Variants in MSANTD2 observed in about 807,000 individuals in gnomAD.
MSANTD2 encodes Myb/SANT DNA binding domain containing 2, also known as myb/SANT-like DNA-binding domain-containing protein 2.
A neutral mutation model predicts 52.6 loss-of-function variants in MSANTD2; 19 were observed. That is an observed-to-expected ratio of 0.36 (90% CI 0.25 to 0.53). MSANTD2 has a LOEUF of 0.53. Among genes scored for constraint, MSANTD2 ranks in the 20% least tolerant of loss-of-function variants. The pLI, the probability that MSANTD2 is intolerant of heterozygous loss-of-function variation, is 0.91. For synonymous variants in MSANTD2, 291 were observed against 289.7 expected (o/e 1.00, Z -0.04); for missense variants, 558 against 716.3 (o/e 0.78, Z 2.52).
At chr11:124,787,233 G>A (rs1384972302) in intron 1 of MSANTD2, among the ~76,000 whole-genome samples, 2 of 152,176 alleles carry the variant, frequency 1.3e-5, no homozygotes, top group African/African-American at 2.4e-5. Context: ...GTGGTATCAC[G>A]AGGCGCAACA....
At chr11:124,794,230 A>G (rs1171801993) in intron 1 of MSANTD2, among the ~76,000 whole-genome samples, 1 of 152,190 alleles carries the variant, frequency 6.6e-6, no homozygotes, top group Non-Finnish European at 1.5e-5. Context: ...AGTAACCAGA[A>G]TATTTAACTC....
At chr11:124,772,680 T>C (rs1190297930) in intron 3 of MSANTD2, among the ~76,000 whole-genome samples, 1 of 133,516 alleles carries the variant, frequency 7.5e-6, no homozygotes, top group Non-Finnish European at 1.5e-5. Context: ...GAGCTTGCAG[T>C]GAGCAGAGAT....
At chr11:124,770,768 G>A (rs936632242) in intron 3 of MSANTD2, among the ~76,000 whole-genome samples, 20 of 146,172 alleles carry the variant, frequency 1.4e-4, no homozygotes, top group African/African-American at 4.5e-4. Flanking sequence ...ACCACGCCCA[G>A]CTAATTTTTT....
chr11:124,785,136 TATA>T (rs1945116307), intron 1 of MSANTD2, among the ~76,000 whole-genome samples: 1 of 152,250 alleles, frequency 6.6e-6, no homozygotes, highest in Non-Finnish European at 1.5e-5. Flanking sequence ...TTCTTAGCTT[TATA>T]AAGACTGCTA....
intron 1 of MSANTD2, among the ~76,000 whole-genome samples, chr11:124,776,485 CG>C (rs555011439): frequency 3.5e-3 from 529 of 152,258 alleles, no homozygotes; most frequent in South Asian, 9.5e-3. Context: ...TTAGTAGAGA[CG>C]GGGTTTCTCC....
chr11:124,800,081 C>G lies in MSANTD2; in HGVS notation c.300G>C (p.Arg100=). 4.7e-6 allele frequency: 7 copies of G among 1,503,622 alleles called. No individual in the cohort carries two copies. The highest frequency in any genetic ancestry group is 6.2e-6 in the Non-Finnish European group (7 of 1,136,642). The allele number at this position is 1,503,622 out of a possible 1,614,324, so 93.1% of individuals were successfully genotyped here. The change falls in exon 1 of 4, where the codon CGG becomes CGC. Residue 100 remains arginine (R), a synonymous_variant. Coordinates refer to ENST00000374979, the MANE Select transcript of MSANTD2 (RefSeq NM_001308027.2). This position sits in a 1 kb window ranked among gnomAD's most constrained non-coding sequence, Gnocchi z 4.3. ...TCTCGGCTGGCGTCCACGACATGCC[C>G]CGGCAGGCGGCGGCGGCGGCTGCCG... ...GAAAAAAAAC[R]GMSWTPAETN...
chr11:124,773,835 T>G (rs1192948219), intron 2 of MSANTD2, among the ~76,000 whole-genome samples: 1 of 152,220 alleles, frequency 6.6e-6, no homozygotes, highest in Non-Finnish European at 1.5e-5. Flanking sequence ...TATACTTCCT[T>G]GGGGGCTGCC....
chr11:124,770,764 C>T (rs1944486597), intron 3 of MSANTD2, among the ~76,000 whole-genome samples: 2 of 150,458 alleles, frequency 1.3e-5, no homozygotes, highest in African/African-American at 2.5e-5. Context: ...TGCCACCACG[C>T]CCAGCTAATT....
At chr11:124,784,269 T>C (rs1239159119) in intron 1 of MSANTD2, 2 of 985,294 alleles carry the variant, frequency 2.0e-6, no homozygotes, top group Non-Finnish European at 2.4e-6. Flanking sequence ...TTGAATCTTT[T>C]TCTCAGTTCA....
intron 1 of MSANTD2, chr11:124,789,578 G>GT (rs1565465369): frequency 1.3e-5 from 2 of 151,864 alleles, no homozygotes; most frequent in African/African-American, 4.8e-5. Flanking sequence ...TTTTACTAGC[G>GT]TAACAACACA....
chr11:124,786,477 A>T (rs868601642), intron 1 of MSANTD2, among the ~76,000 whole-genome samples: 4 of 152,190 alleles, frequency 2.6e-5, no homozygotes, highest in African/African-American at 9.7e-5. Flanking sequence ...GATAAGCCAC[A>T]TCCTTACCTG....
intron 1 of MSANTD2, chr11:124,791,377 T>C: frequency 1.5e-6 from 2 of 1,377,438 alleles, no homozygotes; most frequent in Non-Finnish European, 2.1e-6. Context: ...CAAGGCATCA[T>C]TACGGGCTAC....
rs1179438846 is a variant in MSANTD2 at position 124,767,575 on chromosome 11, A to G, written c.1281T>C (p.Tyr427=). The change falls in exon 4 of 4, where the codon TAT becomes TAC. Residue 427 remains tyrosine, a synonymous_variant. Coordinates refer to ENST00000374979, the MANE Select transcript of MSANTD2 (RefSeq NM_001308027.2). The surrounding 1 kb of genome is among the most constrained non-coding windows in gnomAD (Gnocchi z 6.5). ...AGAGGGGCCTCTCAATACATTCTTC[A>G]TAGCCAATGGCATAAAGGCCTGGGC... ...PKSPGLYAIG[Y]EECIERPLSP... 5.0e-6 allele frequency: 8 copies of G among 1,614,046 alleles called. No homozygotes were observed. The African/African-American group carries it at 1.1e-4, about 22-fold the overall frequency.
chr11:124,783,323 T>C (rs950898412), intron 1 of MSANTD2, among the ~76,000 whole-genome samples: 1 of 152,164 alleles, frequency 6.6e-6, no homozygotes, highest in Non-Finnish European at 1.5e-5. Context: ...GCCTAGAATA[T>C]ATATTAATAA....
chr11:124,800,202 GC>G lies in MSANTD2; in HGVS notation c.178del (p.Ala60GlnfsTer120). ...LGPGSAAGSG[A>X]AASGGLGLGL... is the part of the protein sequence containing the mutation. ...CAGCCCGAGACCCCCGGACGCCGCTGCCCCCGAGCCCGCCGCACTGCCCGGC... is the reference window on the plus strand; with the variant it reads ...CAGCCCGAGACCCCCGGACGCCGCTGCCCCGAGCCCGCCGCACTGCCCGGC... On this transcript the variant is annotated frameshift_variant, in exon 1 of 4. Coordinates refer to ENST00000374979, the MANE Select transcript of MSANTD2 (RefSeq NM_001308027.2). LOFTEE classifies it high-confidence loss of function. The surrounding 1 kb of genome is among the most constrained non-coding windows in gnomAD (Gnocchi z 4.3). 1 of 1,475,000 alleles carries G rather than the reference GC, an allele frequency of 6.8e-7. No individual in the cohort carries two copies. Among genetic ancestry groups the G allele is most frequent in the African/African-American group, 1.5e-5 (1 of 67,978 alleles). The allele number at this position is 1,475,000 out of a possible 1,614,324, so 91.4% of individuals were successfully genotyped here.
At chr11:124,786,097 T>TC (rs972838999) in intron 1 of MSANTD2, among the ~76,000 whole-genome samples, 9 of 49,866 alleles carry the variant, frequency 1.8e-4, no homozygotes, top group African/African-American at 1.1e-3. Context: ...CATTTCTTCT[T>TC]TTTTTTTTTT....
At position 124,774,029 on chromosome 11, in the gene MSANTD2, CT is replaced by C. The variant is rs1944642762; in HGVS notation, c.766+689del. On this transcript the variant is annotated intron_variant, in intron 2 of 3. Coordinates refer to ENST00000374979, the MANE Select transcript of MSANTD2 (RefSeq NM_001308027.2). This position sits in a 1 kb window ranked among gnomAD's most constrained non-coding sequence, Gnocchi z 5.1. ...ACAATCCCACAACTACATATATACT[CT>C]TAGTTAGGCCCTACAAGTTTAGATT... 6.6e-6 allele frequency among the ~76,000 whole-genome samples: 1 copy of C among 152,194 alleles called. No individual in the cohort carries two copies. The highest frequency in any genetic ancestry group is 6.5e-5 in the Admixed American group (1 of 15,282).
At chr11:124,791,552 G>A (rs1945332396) in intron 1 of MSANTD2, 1 of 1,213,738 alleles carries the variant, frequency 8.2e-7, no homozygotes. Context: ...AGACAGAAGG[G>A]TCACCAATGT....
In MSANTD2 at chr11:124,767,308, A is replaced by C; in HGVS notation, c.1548T>G (p.Ile516Met). ...ATTTGGGGGAAACTCCGGGATCCAC[A>C]ATACAGTTCTGAGACAAAAACCCGT... ...GINGFLSQNCIVDPGVSPKSI... is the reference protein window; with the variant it reads ...GINGFLSQNCMVDPGVSPKSI... The change falls in exon 4 of 4, where the codon ATT (isoleucine) becomes ATG (methionine). Residue 516 changes from isoleucine (I) to methionine (M), a missense_variant. By Grantham distance (10) the Ile-to-Met change is conservative. Coordinates refer to ENST00000374979, the MANE Select transcript of MSANTD2 (RefSeq NM_001308027.2). The surrounding 1 kb of genome is among the most constrained non-coding windows in gnomAD (Gnocchi z 6.5). 1.2e-6 allele frequency: 2 copies of C among 1,614,238 alleles called. No individual in the cohort carries two copies. The highest frequency in any genetic ancestry group is 4.5e-5 in the East Asian group (2 of 44,890).
Sources: allele counts gnomAD v4.1 joint callset (sites outside exome capture counted in the v4.1 genomes callset), GRCh38; gene constraint gnomAD v4.1.1; non-coding constraint Gnocchi (gnomAD v3.1); transcripts MANE v1.5; gene names NCBI Gene and HGNC (gene_info 2026-07-23, HGNC 2026-07-21).